ELK4: variants seen among roughly 807,000 people sequenced by gnomAD.
ELK4 encodes ETS transcription factor ELK4.
A neutral mutation model predicts 29.6 loss-of-function variants in ELK4; 16 were observed. The observed-to-expected ratio is 0.54, with a 90% CI of 0.37 to 0.82. The LOEUF is 0.82. ELK4 is among the 40% of genes least tolerant of loss of function. The pLI, the probability that ELK4 is intolerant of heterozygous loss-of-function variation, is 0.00. For missense variants in ELK4, 465 were observed against 507.1 expected (o/e 0.92, Z 0.80); for synonymous variants, 213 against 191.1 (o/e 1.11, Z -0.95).
At chr1:205,630,777 A>C (rs1276108501) in intron 1 of ELK4, among the ~76,000 whole-genome samples, 1 of 152,222 alleles carries the variant, frequency 6.6e-6, no homozygotes, top group Non-Finnish European at 1.5e-5. Flanking sequence ...ATCATACTAC[A>C]TTTTAATGAA....
intron 1 of ELK4, among the ~76,000 whole-genome samples, chr1:205,629,060 G>C (rs573579189): frequency 9.2e-5 from 14 of 151,576 alleles, no homozygotes; most frequent in Middle Eastern, 3.4e-3. Context: ...TGTAGTCCCA[G>C]CTACTCGGCA....
Position 205,631,633 on chromosome 1 carries a change from G to C in ELK4, c.-11C>G. On this transcript the variant is annotated splice_region_variant and 5_prime_UTR_variant, in exon 1 of 5. Coordinates refer to ENST00000357992, the MANE Select transcript of ELK4 (RefSeq NM_001973.4). ...GGGCGCGCGGGGCTGACCGCTCACC[G>C]ACGCCGCGCGCGGGGCTCCCCCTCG... The C allele has an allele frequency of 3.1e-6, 1 of 321,516 alleles. No homozygotes were observed. The highest frequency in any genetic ancestry group is 6.5e-6 in the Non-Finnish European group (1 of 154,908). The allele number at this position is 321,516 out of a possible 1,614,324, so 19.9% of individuals were successfully genotyped here.
In ELK4 at chr1:205,608,307, T is replaced by C. The variant is rs1053210916; in HGVS notation, c.*8239A>G. Reference sequence around the variant, plus strand: ...TTTTTTTTTTCAAGCAGCATATTATTATAAAGCCCTCAAAGTGCTTTTGCA... The same window carrying C: ...TTTTTTTTTTCAAGCAGCATATTATCATAAAGCCCTCAAAGTGCTTTTGCA... On this transcript the variant is annotated 3_prime_UTR_variant, in exon 5 of 5. Transcript: ENST00000357992. 1 of 197,100 alleles carries C rather than the reference T, an allele frequency of 5.1e-6. No individual in the cohort carries two copies. Among genetic ancestry groups the C allele is most frequent in the African/African-American group, 2.3e-5 (1 of 43,070 alleles). 12.2% of individuals were successfully genotyped at this position (197,100 alleles called of 1,614,324 possible). A position where few individuals can be genotyped will look rare whatever the true frequency, so the allele number is the denominator to read the frequency against.
Position 205,616,271 on chromosome 1 carries a change from TAAAGGAGAAAAGA to T in ELK4, c.*262_*274del, listed in dbSNP as rs1237441751. On this transcript the variant is annotated 3_prime_UTR_variant, in exon 5 of 5. Coordinates refer to ENST00000357992, the MANE Select transcript of ELK4 (RefSeq NM_001973.4). ...TTCAGCACAAAGCTCAAAATATTTT[TAAAGGAGAAAAGA>T]AAAGGAAGGAAGGAAAGAAAAAGAA... The T allele has an allele frequency of 3.6e-5, 12 of 336,496 alleles. No individual in the cohort carries two copies. In the East Asian group the frequency reaches 5.0e-4, roughly 14 times the overall value. The allele number at this position is 336,496 out of a possible 1,614,324, so 20.8% of individuals were successfully genotyped here.
chr1:205,625,527 G>T, intron 1 of ELK4: 1 of 767,058 alleles, frequency 1.3e-6, no homozygotes, highest in Non-Finnish European at 2.4e-6. Context: ...AGAAACGGGC[G>T]GCTCCGAGAG....
chr1:205,613,565 G>A lies in ELK4; in HGVS notation c.*2981C>T, dbSNP rs1294754857. On this transcript the variant is annotated 3_prime_UTR_variant, in exon 5 of 5. Coordinates refer to ENST00000357992, the MANE Select transcript of ELK4 (RefSeq NM_001973.4). ...TAGCTTGAAATCAGCCACAGGAGGA[G>A]TAACTAATTTATATCAAAGAATTTG... 5.5e-6 allele frequency: 1 copy of A among 180,796 alleles called. No individual in the cohort carries two copies. The highest frequency in any genetic ancestry group is 2.4e-5 in the African/African-American group (1 of 42,318). 11.2% of individuals were successfully genotyped at this position (180,796 alleles called of 1,614,324 possible). A position where few individuals can be genotyped will look rare whatever the true frequency, so the allele number is the denominator to read the frequency against.
At chr1:205,625,601 T>A in intron 1 of ELK4, 1 of 1,238,614 alleles carries the variant, frequency 8.1e-7, no homozygotes. Flanking sequence ...CTCCCAAAGC[T>A]CGGATAGGAG....
chr1:205,618,819 A>G, intron 4 of ELK4, 138 bp downstream of exon 4: 2 of 577,920 alleles, frequency 3.5e-6, no homozygotes, highest in South Asian at 4.2e-5. Flanking sequence ...TGAGGACTCC[A>G]TCTCAAAAAA....
rs1341063893 is a variant in ELK4 at position 205,614,636 on chromosome 1, TCTA to T, written c.*1907_*1909del. 6 of 226,754 alleles carry T rather than the reference TCTA, an allele frequency of 2.6e-5. No individual in the cohort carries two copies. Among genetic ancestry groups the T allele is most frequent in the South Asian group, 3.6e-4 (2 of 5,484 alleles). 14.0% of individuals were successfully genotyped at this position (226,754 alleles called of 1,614,324 possible). A position where few individuals can be genotyped will look rare whatever the true frequency, so the allele number is the denominator to read the frequency against. ...AAGGCAGCTCACTGAATATGTTCCC[TCTA>T]CTACTACTAAGTTAGCTAGCATAGA... On this transcript the variant is annotated 3_prime_UTR_variant, in exon 5 of 5. Transcript: ENST00000357992.
rs1483336201 is a variant in ELK4 at position 205,615,778 on chromosome 1, G to A, written c.*768C>T. ...CAAAGAGCATTTCTGTGCTAGATGT[G>A]AGGTCCCATATTCTTACTAGGTGTT... On this transcript the variant is annotated 3_prime_UTR_variant, in exon 5 of 5. Transcript: ENST00000357992. 4.7e-6 allele frequency: 1 copy of A among 211,082 alleles called. No individual in the cohort carries two copies. The highest frequency in any genetic ancestry group is 9.6e-6 in the Non-Finnish European group (1 of 104,152). 13.1% of individuals were successfully genotyped at this position (211,082 alleles called of 1,614,324 possible).
rs757362874 is a variant in ELK4, at chr1:205,620,229, T to C, written c.817A>G (p.Ser273Gly). ...TCTGTGTCGATGTCTGGGTGAGAACTCAGTGGTGGTGAAGGTGTTCTGGGA... is the reference window on the plus strand; with the variant it reads ...TCTGTGTCGATGTCTGGGTGAGAACCCAGTGGTGGTGAAGGTGTTCTGGGA... ...EPPRTPSPPL[S>G]SHPDIDTDID... Residue 273 changes from serine to glycine, a missense_variant, in exon 3 of 5, where the codon AGT (serine) becomes GGT (glycine). Physicochemically the swap from Ser to Gly is moderately conservative, Grantham distance 56. Transcript: ENST00000357992. 1 of 1,614,176 alleles carries C rather than the reference T, an allele frequency of 6.2e-7. No homozygotes were observed. The highest frequency in any genetic ancestry group is 8.5e-7 in the Non-Finnish European group (1 of 1,180,042).
intron 3 of ELK4, chr1:205,619,707 C>T: frequency 7.0e-7 from 1 of 1,434,730 alleles, no homozygotes; most frequent in Non-Finnish European, 9.1e-7. Flanking sequence ...TGTGTACTTT[C>T]TTTAGGAGGA....
At chr1:205,616,863 A>G (rs1670239258) in intron 4 of ELK4, among the ~76,000 whole-genome samples, 1 of 152,228 alleles carries the variant, frequency 6.6e-6, no homozygotes, top group Non-Finnish European at 1.5e-5. Context: ...TCTCCAACTT[A>G]CCTCAATGGA....
In ELK4 at chr1:205,610,338, T is replaced by C. The variant is rs544658482; in HGVS notation, c.*6208A>G. 3.0e-5 allele frequency: 7 copies of C among 231,368 alleles called. No homozygotes were observed. In the South Asian group the frequency reaches 7.3e-4, roughly 24 times the overall value. 14.3% of individuals were successfully genotyped at this position (231,368 alleles called of 1,614,324 possible). On this transcript the variant is annotated 3_prime_UTR_variant, in exon 5 of 5. Coordinates refer to ENST00000357992, the MANE Select transcript of ELK4 (RefSeq NM_001973.4). ...GAGGTTTTGGCTAATACTAATGACA[T>C]ACAGTTTAAAAGGATAAATTAGGCC...
rs999168008 is a variant in ELK4, at chr1:205,612,400, T to C, written c.*4146A>G. On this transcript the variant is annotated 3_prime_UTR_variant, in exon 5 of 5. Transcript: ENST00000357992. ...ACTATAACTGCTACTCAAGAATTAC[T>C]TTTTATGCCATCCTTCACTTCAATT... The C allele has an allele frequency of 2.3e-5, 5 of 218,634 alleles. No individual in the cohort carries two copies. In the Admixed American group the frequency reaches 2.3e-4, roughly 10 times the overall value. The allele number at this position is 218,634 out of a possible 1,614,324, so 13.5% of individuals were successfully genotyped here.
Position 205,615,164 on chromosome 1 carries a change from G to A in ELK4, c.*1382C>T, listed in dbSNP as rs528459746. On this transcript the variant is annotated 3_prime_UTR_variant, in exon 5 of 5. Coordinates refer to ENST00000357992, the MANE Select transcript of ELK4 (RefSeq NM_001973.4). ...GCCTGCGCCTTTGGGAGGCTGAGGTGGGCGGATCACAAGGTCAAGAGATCA... is the reference window on the plus strand; with the variant it reads ...GCCTGCGCCTTTGGGAGGCTGAGGTAGGCGGATCACAAGGTCAAGAGATCA... 21 of 174,658 alleles carry A rather than the reference G, an allele frequency of 1.2e-4. No homozygotes were observed. The highest frequency in any genetic ancestry group is 1.1e-3 in the Admixed American group (18 of 15,710). 10.8% of individuals were successfully genotyped at this position (174,658 alleles called of 1,614,324 possible). A position where few individuals can be genotyped will look rare whatever the true frequency, so the allele number is the denominator to read the frequency against.
At chr1:205,621,181 AAG>A (rs1298959334) in intron 2 of ELK4, among the ~76,000 whole-genome samples, 1 of 145,080 alleles carries the variant, frequency 6.9e-6, no homozygotes, top group African/African-American at 2.6e-5. Flanking sequence ...GTGACAGAGC[AAG>A]AGTCTGTCTT....
intron 1 of ELK4, among the ~76,000 whole-genome samples, chr1:205,627,622 CAAT>C (rs1670491995): frequency 6.6e-6 from 1 of 152,036 alleles, no homozygotes; most frequent in African/African-American, 2.4e-5. Flanking sequence ...AATTATATCT[CAAT>C]AAAGATTTTT....
Position 205,613,120 on chromosome 1 carries a change from A to G in ELK4, c.*3426T>C, listed in dbSNP as rs373671544. Reference sequence around the variant, plus strand: ...AATTTCCACCTTTGTTCGAACACATAAAGTATGCCATGAGCAATATAACAT... The same window carrying G: ...AATTTCCACCTTTGTTCGAACACATGAAGTATGCCATGAGCAATATAACAT... On this transcript the variant is annotated 3_prime_UTR_variant, in exon 5 of 5. Transcript: ENST00000357992. 2.0e-5 allele frequency: 4 copies of G among 198,960 alleles called. No homozygotes were observed. Among genetic ancestry groups the G allele is most frequent in the East Asian group, 7.8e-5 (1 of 12,752 alleles). 12.3% of individuals were successfully genotyped at this position (198,960 alleles called of 1,614,324 possible).
Sources: allele counts gnomAD v4.1 joint callset (sites outside exome capture counted in the v4.1 genomes callset), GRCh38; gene constraint gnomAD v4.1.1; transcripts MANE v1.5; gene names NCBI Gene and HGNC (gene_info 2026-07-23, HGNC 2026-07-21).